Variants in SCN11A observed in about 807,000 individuals in gnomAD.
The protein encoded by SCN11A is sodium voltage-gated channel alpha subunit 11.
SCN11A carries 122 observed loss-of-function variants against 162.2 expected under a neutral mutation model. The observed-to-expected ratio is 0.75, with a 90% CI of 0.65 to 0.87. The LOEUF (loss-of-function observed/expected upper bound fraction) is 0.87, where lower values mean the gene tolerates loss of function less well. Among genes scored for constraint, SCN11A ranks in the 40% least tolerant of loss-of-function variants. The pLI, the probability that SCN11A is intolerant of heterozygous loss-of-function variation, is 0.00. For missense variants in SCN11A, 2,015 were observed against 2,181.6 expected, an observed-to-expected ratio of 0.92 and a Z score of 1.52; for synonymous variants, 758 against 751.5, an observed-to-expected ratio of 1.01 and a Z score of -0.14.
intron 28 of SCN11A, among the ~76,000 whole-genome samples, chr3:38,856,125 C>A (rs1481824483): frequency 6.6e-6 from 1 of 152,212 alleles, no homozygotes; most frequent in Non-Finnish European, 1.5e-5. Flanking sequence ...AACACAATTG[C>A]AGTGCTGGCA....
intron 19 of SCN11A, among the ~76,000 whole-genome samples, chr3:38,892,785 T>TAATATA (rs1275335468): frequency 1.3e-5 from 2 of 152,066 alleles, no homozygotes; most frequent in Non-Finnish European, 2.9e-5. Context: ...TCACTGGAAT[T>TAATATA]AATATAAATC....
chr3:38,871,878 C>T (rs926578542), intron 24 of SCN11A, among the ~76,000 whole-genome samples, 170 bp from the exon 25 acceptor site: 1 of 152,158 alleles, frequency 6.6e-6, no homozygotes, highest in Admixed American at 6.5e-5. Flanking sequence ...CAGCTCCCTA[C>T]ATAATGGGTC....
At chr3:38,937,782 A>G (rs2066360459) in intron 7 of SCN11A, among the ~76,000 whole-genome samples, 1 of 152,180 alleles carries the variant, frequency 6.6e-6, no homozygotes, top group Non-Finnish European at 1.5e-5. Flanking sequence ...GTGGAACTGT[A>G]AACTGTAAAC....
chr3:38,903,179 C>T (rs1177450656), intron 16 of SCN11A, among the ~76,000 whole-genome samples: 1 of 152,134 alleles, frequency 6.6e-6, no homozygotes, highest in Non-Finnish European at 1.5e-5. Context: ...TAGGGTAGAT[C>T]ATCCCGTGGG....
At chr3:38,956,902 TAA>T (rs2066689105) in intron 3 of SCN11A, among the ~76,000 whole-genome samples, 1 of 152,112 alleles carries the variant, frequency 6.6e-6, no homozygotes, top group African/African-American at 2.4e-5. Context: ...CATACAAAAA[TAA>T]GTTTATACCT....
rs548193404 is a variant in SCN11A, at chr3:39,013,790, A to G, written c.-280+18590T>C. On this transcript the variant is annotated intron_variant, in intron 2 of 29. Transcript: ENST00000302328. Reference sequence around the variant, plus strand: ...TGTCATGTTGTCCACATCAAATCTAAGATCTCCAAGGGATATGCAGCAACA... The same window carrying G: ...TGTCATGTTGTCCACATCAAATCTAGGATCTCCAAGGGATATGCAGCAACA... Among the ~76,000 whole-genome samples the G allele has an allele frequency of 3.3e-5, 5 of 152,372 alleles. No homozygotes were observed. The South Asian group carries it at 1.0e-3, about 32-fold the overall frequency.
intron 2 of SCN11A, among the ~76,000 whole-genome samples, chr3:38,997,565 G>A (rs183798721): frequency 1.5e-4 from 23 of 152,180 alleles, no homozygotes; most frequent in Admixed American, 7.2e-4. Context: ...GGTTTGATAC[G>A]TATTCCTCTG....
At chr3:38,875,740 G>A (rs1464333663) in intron 23 of SCN11A, among the ~76,000 whole-genome samples, 1 of 152,166 alleles carries the variant, frequency 6.6e-6, no homozygotes, top group East Asian at 1.9e-4. Flanking sequence ...CACATCTCAT[G>A]TTCATGGATG....
intron 7 of SCN11A, among the ~76,000 whole-genome samples, chr3:38,938,861 G>A (rs936148227): frequency 9.2e-5 from 14 of 151,384 alleles, no homozygotes; most frequent in South Asian, 6.3e-4. Context: ...CACGGCGCCC[G>A]GCCAAAAATA....
intron 2 of SCN11A, among the ~76,000 whole-genome samples, chr3:38,965,535 G>A (rs1371560903): frequency 2.6e-5 from 4 of 152,008 alleles, no homozygotes; most frequent in African/African-American, 9.7e-5. Context: ...TCCCTATCCT[G>A]ACCACCCCTG....
Position 38,908,059 on chromosome 3 carries a change from G to C in SCN11A, c.1363C>G (p.Pro455Ala). ...LTSLETSYFT[P>A]KKRKLFGNKK... is the part of the protein sequence containing the mutation. ...TTACCAAAGAGCTTTCTCTTTTTTG[G>C]GGTAAAATATGATGTTTCAAGGGAA... Residue 455 changes from proline (P) to alanine (A), a missense_variant, in exon 14 of 30, where the codon CCA becomes GCA. Pro to Ala is a conservative substitution (Grantham distance 27). Coordinates refer to ENST00000302328, the MANE Select transcript of SCN11A (RefSeq NM_001349253.2). 6.2e-7 allele frequency: 1 copy of C among 1,613,284 alleles called. No homozygotes were observed. Among genetic ancestry groups the C allele is most frequent in the Non-Finnish European group, 8.5e-7 (1 of 1,179,770 alleles).
chr3:38,850,255 G>T, intron 29 of SCN11A: 2 of 501,486 alleles, frequency 4.0e-6, no homozygotes, highest in South Asian at 6.1e-5. Context: ...CATGATTATT[G>T]AACTCTATTT....
chr3:38,863,417 C>A, intron 27 of SCN11A, 118 bp from the exon 28 acceptor site: 1 of 609,536 alleles, frequency 1.6e-6, no homozygotes, highest in Non-Finnish European at 2.9e-6. Flanking sequence ...CTTAAAATTT[C>A]AATGGTAAGC....
intron 2 of SCN11A, among the ~76,000 whole-genome samples, chr3:39,009,564 A>G (rs2031071539): frequency 1.3e-5 from 2 of 150,164 alleles, no homozygotes; most frequent in African/African-American, 4.9e-5. Flanking sequence ...GACCAAAGCA[A>G]ACAAACAATT....
rs1210369714 is a variant in SCN11A at position 38,894,800 on chromosome 3, C to T, written c.2568G>A (p.Lys856=). 4 of 1,614,200 alleles carry T rather than the reference C, an allele frequency of 2.5e-6. No homozygotes were observed. Among genetic ancestry groups the T allele is most frequent in the Non-Finnish European group, 2.5e-6 (3 of 1,180,030 alleles). ...GTGGTAAGTTTTGCTTCCTGCACCA[C>T]TTGTGACAGAAATGCTCAAGAGTGT... The part of the protein sequence containing the change: ...VRHTLEHFCH[K]WCRKQNLPQQ... The change falls in exon 19 of 30, where the codon AAG becomes AAA. Residue 856 remains lysine, a synonymous_variant. Transcript: ENST00000302328.
chr3:38,875,620 A>C (rs1175093550), intron 23 of SCN11A, among the ~76,000 whole-genome samples: 1 of 152,146 alleles, frequency 6.6e-6, no homozygotes, highest in Non-Finnish European at 1.5e-5. Flanking sequence ...TGAAAATAAA[A>C]TAAAATAAAA....
intron 4 of SCN11A, among the ~76,000 whole-genome samples, chr3:38,953,098 A>C (rs1314611564): frequency 6.6e-6 from 1 of 152,004 alleles, no homozygotes; most frequent in Non-Finnish European, 1.5e-5. Flanking sequence ...CACTCTAACT[A>C]TTGGGAATTG....
chr3:39,003,408 G>A (rs113967241), intron 2 of SCN11A, among the ~76,000 whole-genome samples: 1,800 of 152,202 alleles, frequency 0.012, 33 homozygotes, highest in African/African-American at 0.04. Flanking sequence ...ATATGTACCA[G>A]ATTTTCTTTA....
intron 19 of SCN11A, among the ~76,000 whole-genome samples, chr3:38,888,454 A>C (rs967059574): frequency 2.0e-5 from 3 of 152,238 alleles, no homozygotes; most frequent in African/African-American, 7.2e-5. Context: ...ATATATGAGG[A>C]AACAAACATA....
Sources: gnomAD v4.1 joint callset for allele counts (sites outside exome capture counted in the v4.1 genomes callset) on GRCh38, gnomAD v4.1.1 for gene constraint, MANE v1.5 for transcripts, NCBI Gene and HGNC (gene_info 2026-07-23, HGNC 2026-07-21) for gene names.